Variants in PHLPP2 observed in about 807,000 individuals in gnomAD.
The protein encoded by PHLPP2 is PH domain and leucine rich repeat protein phosphatase 2, also known as PH domain leucine-rich repeat-containing protein phosphatase 2.
In PHLPP2, 66 loss-of-function variants were observed where a neutral mutation model predicts 124.9. The observed-to-expected ratio is 0.53, with a 90% confidence interval of 0.43 to 0.65. PHLPP2 has a LOEUF of 0.65. Ranked by LOEUF, PHLPP2 falls within the 30% of genes least tolerant of loss-of-function variation. The probability of loss-of-function intolerance (pLI) is 0.00; values close to 1 mark genes in which losing one functional copy is unlikely to be tolerated. For synonymous variants in PHLPP2, 681 were observed against 624.7 expected, an observed-to-expected ratio of 1.09 and a Z score of -1.34; for missense variants, 1,685 against 1,600.4, an observed-to-expected ratio of 1.05 and a Z score of -0.90.
rs571307409 is a variant in PHLPP2, at chr16:71,654,487, C to T, written c.2585+753G>A. Among the ~76,000 whole-genome samples, 3 of 152,238 alleles carry T rather than the reference C, an allele frequency of 2.0e-5. No homozygotes were observed. In the South Asian group the frequency reaches 6.2e-4, roughly 31 times the overall value. On this transcript the variant is annotated intron_variant, in intron 17 of 18. Coordinates refer to ENST00000568954, the MANE Select transcript of PHLPP2 (RefSeq NM_015020.3). ...TTTCCTGGGCTAGTGACATGTGGTACGATGTTCTCTCATGATGCTGGGCAG... is the reference window on the plus strand; with the variant it reads ...TTTCCTGGGCTAGTGACATGTGGTATGATGTTCTCTCATGATGCTGGGCAG...
In PHLPP2 at chr16:71,652,917, T is replaced by C. The variant is rs146353321; in HGVS notation, c.2690A>G (p.Asn897Ser). 8.2e-5 allele frequency: 133 copies of C among 1,613,978 alleles called. 1 individual carries two copies. Among genetic ancestry groups the C allele is most frequent in the Non-Finnish European group, 6.4e-5 (75 of 1,180,014 alleles). Residue 897 changes from asparagine (N) to serine (S), a missense_variant, in exon 18 of 19, where the codon AAT (asparagine) becomes AGT (serine). Physicochemically the swap from Asn to Ser is conservative, Grantham distance 46. Coordinates refer to ENST00000568954, the MANE Select transcript of PHLPP2 (RefSeq NM_015020.3). ...CAGGACTGCTTGGCACGTGCCAACATTGGCTACAGTCAAGCTAAAGCTACT... is the reference window on the plus strand; with the variant it reads ...CAGGACTGCTTGGCACGTGCCAACACTGGCTACAGTCAAGCTAAAGCTACT... ...PASSFSLTVA[N>S]VGTCQAVLCR...
intron 4 of PHLPP2, among the ~76,000 whole-genome samples, chr16:71,689,924 C>T (rs1449740154): frequency 6.6e-6 from 1 of 152,130 alleles, no homozygotes; most frequent in Non-Finnish European, 1.5e-5. Context: ...TGGAAGTCTT[C>T]CAGACAAACT....
At chr16:71,651,145 C>G (rs1344527850) in intron 18 of PHLPP2, among the ~76,000 whole-genome samples, 1 of 152,086 alleles carries the variant, frequency 6.6e-6, no homozygotes, top group African/African-American at 2.4e-5. Context: ...TGGATACCAG[C>G]CTGACCAACA....
Position 71,658,441 on chromosome 16 carries a change from C to G in PHLPP2, c.2149-78G>C, listed in dbSNP as rs1412377530. On this transcript the variant is annotated intron_variant, in intron 14 of 18. Transcript: ENST00000568954. ...TTACTCCCAAGTGTCCAATCTCTTA[C>G]TATATCCCCAAAGAGGAACTTAATT... The G allele has an allele frequency of 2.9e-6, 4 of 1,361,714 alleles. No individual in the cohort carries two copies. The African/African-American group carries it at 5.8e-5, about 20-fold the overall frequency. The allele number at this position is 1,361,714 out of a possible 1,614,324, so 84.4% of individuals were successfully genotyped here. A position where few individuals can be genotyped will look rare whatever the true frequency, so the allele number is the denominator to read the frequency against.
chr16:71,654,507 G>A (rs2044725892), intron 17 of PHLPP2, among the ~76,000 whole-genome samples: 1 of 152,138 alleles, frequency 6.6e-6, no homozygotes, highest in Non-Finnish European at 1.5e-5. Context: ...TCATGATGCT[G>A]GGCAGAGGTA....
At chr16:71,716,980 C>T (rs1271370979) in intron 1 of PHLPP2, among the ~76,000 whole-genome samples, 1 of 152,198 alleles carries the variant, frequency 6.6e-6, no homozygotes, top group African/African-American at 2.4e-5. Context: ...AGCATGTTAA[C>T]ACCTGGGTGA....
chr16:71,645,492 G>A lies in PHLPP2; in HGVS notation c.*3398C>T, dbSNP rs1483887802. 1 of 152,618 alleles carries A rather than the reference G, an allele frequency of 6.6e-6. No homozygotes were observed. Among genetic ancestry groups the A allele is most frequent in the Non-Finnish European group, 1.5e-5 (1 of 68,046 alleles). 9.5% of individuals were successfully genotyped at this position (152,618 alleles called of 1,614,324 possible). On this transcript the variant is annotated 3_prime_UTR_variant, in exon 19 of 19. Transcript: ENST00000568954. ...TTGGTACATTTATCGATAACAGCCA[G>A]CTGCTCCCTTATGGAGGTCTCTTCA...
intron 3 of PHLPP2, among the ~76,000 whole-genome samples, chr16:71,692,041 A>G (rs2045118453): frequency 6.6e-6 from 1 of 152,112 alleles, no homozygotes; most frequent in Non-Finnish European, 1.5e-5. Context: ...CAGAAGTTGG[A>G]AAGACTGGGT....
At chr16:71,681,442 T>C (rs144399776) in intron 6 of PHLPP2, among the ~76,000 whole-genome samples, 1 of 152,198 alleles carries the variant, frequency 6.6e-6, no homozygotes, top group Non-Finnish European at 1.5e-5. Context: ...ATTTTATACT[T>C]CTAATTCAAA....
At chr16:71,691,417 T>C (rs982904326) in intron 3 of PHLPP2, among the ~76,000 whole-genome samples, 2 of 151,584 alleles carry the variant, frequency 1.3e-5, no homozygotes, top group African/African-American at 4.9e-5. Flanking sequence ...GCCAAGATCA[T>C]GCCACTGCAC....
At chr16:71,652,684 C>T in intron 18 of PHLPP2, 106 bp downstream of exon 18, 2 of 765,854 alleles carry the variant, frequency 2.6e-6, no homozygotes, top group Non-Finnish European at 4.4e-6. Context: ...GGATTGGATA[C>T]AATTTACAGG....
chr16:71,676,507 G>C lies in PHLPP2; in HGVS notation c.1411C>G (p.Gln471Glu). 6.2e-7 allele frequency: 1 copy of C among 1,614,214 alleles called. No individual in the cohort carries two copies. The highest frequency in any genetic ancestry group is 2.2e-5 in the East Asian group (1 of 44,884). Reference sequence around the variant, plus strand: ...CCACTGAGTGTTAGCTCCCTCAGCTGATTCCGCCCACAGTGCAGCTGTTCC... The same window carrying C: ...CCACTGAGTGTTAGCTCCCTCAGCTCATTCCGCCCACAGTGCAGCTGTTCC... Reference protein sequence around the residue: ...SLEQLHCGRNQLRELTLSGFS... With the variant: ...SLEQLHCGRNELRELTLSGFS... Residue 471 changes from glutamine to glutamate, a missense_variant, in exon 9 of 19, where the codon CAG (glutamine) becomes GAG (glutamate). Transcript: ENST00000568954.
chr16:71,699,934 C>T (rs1301358588), intron 3 of PHLPP2, among the ~76,000 whole-genome samples: 1 of 152,184 alleles, frequency 6.6e-6, no homozygotes, highest in Non-Finnish European at 1.5e-5. Flanking sequence ...CACAACAGAC[C>T]CCAGTGAACA....
Position 71,669,293 on chromosome 16 carries a change from A to C in PHLPP2, c.1610T>G (p.Leu537Arg). Residue 537 changes from leucine (L) to arginine (R), a missense_variant, in exon 11 of 19, where the codon CTC becomes CGC. By Grantham distance (102) the Leu-to-Arg change is moderately radical. Transcript: ENST00000568954. ...CACATACCTCACGGGAACCTCTGTG[A>C]GAAGATTATAGCTCACATCTAATAC... ...IEVLDVSYNL[L>R]TEVPVRILSS... 1 of 1,610,932 alleles carries C rather than the reference A, an allele frequency of 6.2e-7. No homozygotes were observed. Among genetic ancestry groups the C allele is most frequent in the Non-Finnish European group, 8.5e-7 (1 of 1,178,158 alleles).
At chr16:71,674,350 T>A (rs2044924015) in intron 9 of PHLPP2, among the ~76,000 whole-genome samples, 1 of 151,920 alleles carries the variant, frequency 6.6e-6, no homozygotes, top group Non-Finnish European at 1.5e-5. Context: ...AGTGTTGGGA[T>A]TACGGGCTTG....
At chr16:71,660,853 C>A (rs1739372411) in intron 13 of PHLPP2, among the ~76,000 whole-genome samples, 1 of 152,098 alleles carries the variant, frequency 6.6e-6, no homozygotes, top group Non-Finnish European at 1.5e-5. Flanking sequence ...GTACCCAGAA[C>A]TGTGCTAGAT....
chr16:71,682,484 CAAG>C (rs2045011228), intron 5 of PHLPP2, among the ~76,000 whole-genome samples: 1 of 151,952 alleles, frequency 6.6e-6, no homozygotes, highest in South Asian at 2.1e-4. Context: ...CACCCGGTCG[CAAG>C]AAGTTATCTT....
At chr16:71,680,213 A>G (rs975882097) in intron 6 of PHLPP2, among the ~76,000 whole-genome samples, 5 of 152,258 alleles carry the variant, frequency 3.3e-5, no homozygotes, top group African/African-American at 7.2e-5. Context: ...TAATATACAA[A>G]ATCCTTGCAA....
chr16:71,649,855 C>T lies in PHLPP2; in HGVS notation c.3007G>A (p.Val1003Ile), dbSNP rs143977373. 21 of 1,614,092 alleles carry T rather than the reference C, an allele frequency of 1.3e-5. No homozygotes were observed. The East Asian group carries it at 1.6e-4, about 12-fold the overall frequency. Residue 1003 changes from valine (V) to isoleucine (I), a missense_variant, in exon 19 of 19, where the codon GTA (valine) becomes ATA (isoleucine). By Grantham distance (29) the Val-to-Ile change is conservative. Transcript: ENST00000568954. ...TTAGCAGCTGCTAATGGGTCTTGTA[C>T]GTGACGTACAGCATTGACAGCTTCT... ...YTEAVNAVRH[V>I]QDPLAAAKKL...
Sources: allele counts gnomAD v4.1 joint callset (sites outside exome capture counted in the v4.1 genomes callset), GRCh38; gene constraint gnomAD v4.1.1; transcripts MANE v1.5; gene names NCBI Gene and HGNC (gene_info 2026-07-23, HGNC 2026-07-21).